MAD1L1: variants seen among roughly 807,000 people sequenced by gnomAD.
MAD1L1 encodes mitotic spindle assembly checkpoint protein MAD1.
A neutral mutation model predicts 96.9 loss-of-function variants in MAD1L1; 95 were observed. The ratio of observed to expected loss-of-function variants is 0.98; its 90% CI spans 0.83 to 1.16. The LOEUF (loss-of-function observed/expected upper bound fraction) is 1.16. Ranked by LOEUF, MAD1L1 falls within the 50% of genes most tolerant of loss-of-function variation. The pLI, the probability that MAD1L1 is intolerant of heterozygous loss-of-function variation, is 0.00. For synonymous variants in MAD1L1, 473 were observed against 396.6 expected (o/e 1.19, Z -2.29); for missense variants, 1,007 against 954.4 (o/e 1.06, Z -0.73).
chr7:2,004,636 G>A (rs1426258781), intron 13 of MAD1L1, among the ~76,000 whole-genome samples: 1 of 152,236 alleles, frequency 6.6e-6, no homozygotes, highest in Non-Finnish European at 1.5e-5. Context: ...TCCTGCCGAG[G>A]CCAGGCAGGC....
In MAD1L1 at chr7:1,913,355, G is replaced by A. The variant is rs187454721; in HGVS notation, c.1808-14965C>T. ...GAGGAGCACTCCACCCGGAGGAAGC[G>A]GCCTGGGGTGGCGTGGGGTGGGGGA... On this transcript the variant is annotated intron_variant, in intron 17 of 18. Coordinates refer to ENST00000265854, the MANE Select transcript of MAD1L1 (RefSeq NM_001013836.2). 8.0e-3 allele frequency among the ~76,000 whole-genome samples: 1,217 copies of A among 152,286 alleles called. 15 individuals are homozygous for A. The highest frequency in any genetic ancestry group is 0.028 in the African/African-American group (1,172 of 41,550).
chr7:1,851,895 G>A (rs1222341793), intron 18 of MAD1L1, among the ~76,000 whole-genome samples: 6 of 152,244 alleles, frequency 3.9e-5, no homozygotes, highest in Non-Finnish European at 8.8e-5. Context: ...CCTGGCTGCT[G>A]CCCGGGAGCT....
intron 12 of MAD1L1, among the ~76,000 whole-genome samples, chr7:2,062,195 T>A (rs1321883466): frequency 1.4e-5 from 2 of 144,304 alleles, no homozygotes; most frequent in African/African-American, 5.2e-5. Flanking sequence ...TGAGCTGAGA[T>A]CGCGCCACTG....
At chr7:2,218,120 C>T in intron 6 of MAD1L1, 77 bp from the exon 7 acceptor site, 1 of 1,105,048 alleles carries the variant, frequency 9.0e-7, no homozygotes. Flanking sequence ...CTGAGACCCG[C>T]CCCAGCACAG....
chr7:2,203,369 G>A lies in MAD1L1; in HGVS notation c.986+9843C>T, dbSNP rs1422186094. ...CTTCGAGCTGAATCTCTCTAGAAAC[G>A]TTGAAAGCACACCACCCCCATTAGG... is the stretch of plus-strand genomic sequence containing the variant. On this transcript the variant is annotated intron_variant, in intron 10 of 18. Coordinates refer to ENST00000265854, the MANE Select transcript of MAD1L1 (RefSeq NM_001013836.2). Among the ~76,000 whole-genome samples the A allele has an allele frequency of 2.0e-5, 3 of 152,236 alleles. No individual in the cohort carries two copies. The East Asian group carries it at 5.8e-4, about 29-fold the overall frequency.
At chr7:2,000,703 G>C (rs1021539798) in intron 14 of MAD1L1, among the ~76,000 whole-genome samples, 1 of 152,168 alleles carries the variant, frequency 6.6e-6, no homozygotes, top group South Asian at 2.1e-4. Flanking sequence ...AGGAGGGCAG[G>C]AGCCTGTGTT....
intron 18 of MAD1L1, among the ~76,000 whole-genome samples, chr7:1,868,003 A>G (rs985020442): frequency 1.3e-5 from 2 of 152,134 alleles, no homozygotes; most frequent in Admixed American, 6.5e-5. Flanking sequence ...CTGTGTGGCC[A>G]GTGCCCTGCC....
intron 18 of MAD1L1, among the ~76,000 whole-genome samples, chr7:1,820,136 C>T (rs893710560): frequency 9.9e-5 from 15 of 152,100 alleles, no homozygotes; most frequent in African/African-American, 3.4e-4. Context: ...AGAAAGACAA[C>T]AGGAAAACTG....
chr7:1,983,139 C>T (rs1331800238), intron 14 of MAD1L1, among the ~76,000 whole-genome samples: 12 of 96,472 alleles, frequency 1.2e-4, no homozygotes, highest in East Asian at 1.0e-3. Context: ...CAGACGCGCG[C>T]GCGCGCGCGC....
chr7:2,049,690 TG>T (rs1340103421), intron 12 of MAD1L1, among the ~76,000 whole-genome samples: 1 of 152,178 alleles, frequency 6.6e-6, no homozygotes, highest in Non-Finnish European at 1.5e-5. Flanking sequence ...CTGGCGTGGG[TG>T]GCCAGACTCG....
chr7:2,219,689 G>A (rs557087729), intron 5 of MAD1L1, among the ~76,000 whole-genome samples: 12 of 139,896 alleles, frequency 8.6e-5, no homozygotes, highest in African/African-American at 2.9e-4. Flanking sequence ...AGGGCAGGGG[G>A]AAGAGGAGCA....
rs1481372383 is a variant in MAD1L1 at position 2,103,504 on chromosome 7, G to A, written c.1074-34166C>T. ...CCGCCCCCGAGGCCACTGCACAGCGGCGGGGCTCTCGACCACCGTGCTCTT... is the reference window on the plus strand; with the variant it reads ...CCGCCCCCGAGGCCACTGCACAGCGACGGGGCTCTCGACCACCGTGCTCTT... On this transcript the variant is annotated intron_variant, in intron 11 of 18. Coordinates refer to ENST00000265854, the MANE Select transcript of MAD1L1 (RefSeq NM_001013836.2). This position sits in a 1 kb window ranked among gnomAD's most constrained non-coding sequence, Gnocchi z 4.3. Among the ~76,000 whole-genome samples the A allele has an allele frequency of 6.6e-6, 1 of 152,114 alleles. No homozygotes were observed. Among genetic ancestry groups the A allele is most frequent in the Non-Finnish European group, 1.5e-5 (1 of 68,014 alleles).
intron 10 of MAD1L1, among the ~76,000 whole-genome samples, chr7:2,171,485 A>G (rs1291424300): frequency 7.3e-6 from 1 of 136,978 alleles, no homozygotes; most frequent in Admixed American, 6.9e-5. Flanking sequence ...GACAGCAGAG[A>G]AGGACAGCAG....
intron 11 of MAD1L1, among the ~76,000 whole-genome samples, chr7:2,082,540 G>A (rs1267048949): frequency 2.6e-5 from 4 of 152,312 alleles, no homozygotes; most frequent in Non-Finnish European, 5.9e-5. Flanking sequence ...CGGCGTCGCC[G>A]GGTCTGGTGT....
At chr7:2,196,407 T>C (rs1326626158) in intron 10 of MAD1L1, among the ~76,000 whole-genome samples, 1 of 152,216 alleles carries the variant, frequency 6.6e-6, no homozygotes, top group Admixed American at 6.5e-5. Context: ...GCGTCATTCA[T>C]ATCCAACAAG....
chr7:2,145,150 A>G (rs1789232825), intron 11 of MAD1L1, among the ~76,000 whole-genome samples: 1 of 152,074 alleles, frequency 6.6e-6, no homozygotes, highest in Admixed American at 6.5e-5. Flanking sequence ...ACCCTTCGTC[A>G]CAGCACCACG....
intron 10 of MAD1L1, among the ~76,000 whole-genome samples, chr7:2,201,344 C>A (rs2114955360): frequency 6.6e-6 from 1 of 152,268 alleles, no homozygotes; most frequent in Admixed American, 6.5e-5. Context: ...GCTGCCCAGA[C>A]CCTTCCTCCA....
At chr7:1,936,945 C>G (rs1391659514) in intron 16 of MAD1L1, 48 bp from the exon 17 acceptor site, 2 of 1,452,538 alleles carry the variant, frequency 1.4e-6, no homozygotes, top group Non-Finnish European at 1.9e-6. Flanking sequence ...GGCACACACG[C>G]AGCACGGGTC....
chr7:1,998,723 A>AGAG (rs1781662920), intron 14 of MAD1L1, among the ~76,000 whole-genome samples: 1 of 85,698 alleles, frequency 1.2e-5, no homozygotes, highest in African/African-American at 4.2e-5. Context: ...TGTGTCCCCC[A>AGAG]CCAACCCCCT....
Sources: allele counts gnomAD v4.1 joint callset (sites outside exome capture counted in the v4.1 genomes callset), GRCh38; gene constraint gnomAD v4.1.1; non-coding constraint Gnocchi (gnomAD v3.1); transcripts MANE v1.5; gene names NCBI Gene and HGNC (gene_info 2026-07-23, HGNC 2026-07-21).